The following NEDD4L variants were observed in gnomAD, a reference collection of about 807,000 sequenced individuals.
The protein encoded by NEDD4L is NEDD4 like E3 ubiquitin protein ligase.
A neutral mutation model predicts 148.9 loss-of-function variants in NEDD4L; 54 were observed. That is an observed-to-expected ratio of 0.36 (90% CI 0.29 to 0.45). NEDD4L has a LOEUF of 0.45. NEDD4L is among the 20% of genes least tolerant of loss of function. The pLI is 1.00. For synonymous variants in NEDD4L, 433 were observed against 440.7 expected (o/e 0.98, Z 0.22); for missense variants, 856 against 1,233.8 (o/e 0.69, Z 4.59).
At chr18:58,350,797 T>C (rs1485750016) in intron 17 of NEDD4L, among the ~76,000 whole-genome samples, 194 bp from the exon 18 acceptor site, 1 of 152,246 alleles carries the variant, frequency 6.6e-6, no homozygotes, top group South Asian at 2.1e-4. Context: ...GACCTGAGCA[T>C]GTGATAAAGC....
At chr18:58,095,504 A>G (rs1960277671) in intron 1 of NEDD4L, among the ~76,000 whole-genome samples, 1 of 121,950 alleles carries the variant, frequency 8.2e-6, no homozygotes, top group South Asian at 2.3e-4. Context: ...GGAAGATGGG[A>G]CTGGAATGCA....
intron 1 of NEDD4L, among the ~76,000 whole-genome samples, chr18:58,135,808 G>A (rs1734927450): frequency 6.6e-6 from 1 of 152,246 alleles, no homozygotes; most frequent in African/African-American, 2.4e-5. Context: ...GAAAGTCACA[G>A]CTAGACTGGG....
intron 1 of NEDD4L, among the ~76,000 whole-genome samples, chr18:58,122,356 C>T (rs377358660): frequency 2.6e-5 from 4 of 152,196 alleles, no homozygotes; most frequent in South Asian, 2.1e-4. Context: ...AAAAATTAGC[C>T]GGGTGTGGTG....
intron 1 of NEDD4L, among the ~76,000 whole-genome samples, chr18:58,081,327 T>C (rs1280269753): frequency 6.7e-6 from 1 of 150,088 alleles, no homozygotes; most frequent in Non-Finnish European, 1.5e-5. Flanking sequence ...GCCATGCTCC[T>C]GCCTCAGCCT....
At position 58,256,004 on chromosome 18, in the gene NEDD4L, C is replaced by T. The variant is rs2048485981; in HGVS notation, c.297+3950C>T. ...CGACGATGGGCCTCCATGCGCAACG[C>T]CCGACCCCAGGGACCAGGCCTCCGC... On this transcript the variant is annotated intron_variant, in intron 5 of 30. Coordinates refer to ENST00000400345, the MANE Select transcript of NEDD4L (RefSeq NM_001144967.3). The surrounding 1 kb of genome is among the most constrained non-coding windows in gnomAD (Gnocchi z 5.2). The T allele has an allele frequency of 4.1e-6, 5 of 1,230,444 alleles. No individual in the cohort carries two copies. The highest frequency in any genetic ancestry group is 4.2e-5 in the Admixed American group (1 of 23,656). The allele number at this position is 1,230,444 out of a possible 1,614,324, so 76.2% of individuals were successfully genotyped here. A position where few individuals can be genotyped will look rare whatever the true frequency, so the allele number is the denominator to read the frequency against.
intron 1 of NEDD4L, among the ~76,000 whole-genome samples, chr18:58,108,557 A>T (rs1053193360): frequency 6.6e-6 from 1 of 151,996 alleles, no homozygotes. Context: ...AGTAGCTGGG[A>T]TTTTAGGCAT....
At chr18:58,323,117 G>T (rs1237958185) in intron 7 of NEDD4L, 115 bp from the exon 8 acceptor site, 2 of 600,666 alleles carry the variant, frequency 3.3e-6, no homozygotes, top group Non-Finnish European at 6.1e-6. Context: ...GTGGGTATGG[G>T]TGGGTGGGGA....
chr18:58,335,427 CA>C (rs1434019979), intron 12 of NEDD4L, 50 bp from the exon 13 acceptor site: 4 of 1,476,086 alleles, frequency 2.7e-6, no homozygotes, highest in Admixed American at 1.7e-5. Context: ...ATTCAGACAG[CA>C]GGGGGTCATC....
intron 1 of NEDD4L, among the ~76,000 whole-genome samples, chr18:58,117,206 A>T (rs2085903605): frequency 6.6e-6 from 1 of 152,244 alleles, no homozygotes; most frequent in African/African-American, 2.4e-5. Context: ...ACTAATGTAA[A>T]TCAGCACATA....
At chr18:58,223,203 A>G (rs528463941) in intron 2 of NEDD4L, among the ~76,000 whole-genome samples, 3 of 152,198 alleles carry the variant, frequency 2.0e-5, no homozygotes, top group African/African-American at 7.2e-5. Flanking sequence ...TTATGCCTTA[A>G]CCTTTTTCAT....
At chr18:58,173,310 C>T (rs1170635826) in intron 2 of NEDD4L, among the ~76,000 whole-genome samples, 1 of 152,168 alleles carries the variant, frequency 6.6e-6, no homozygotes, top group Admixed American at 6.5e-5. Flanking sequence ...GCAATGTTGG[C>T]TGAGACAAAC....
intron 19 of NEDD4L, 35 bp downstream of exon 19, chr18:58,357,287 G>C: frequency 6.3e-7 from 1 of 1,579,342 alleles, no homozygotes. Flanking sequence ...TTCAGTATAA[G>C]ATTTTGGTTA....
chr18:58,286,895 A>G (rs986674539), intron 5 of NEDD4L, among the ~76,000 whole-genome samples: 10 of 152,170 alleles, frequency 6.6e-5, no homozygotes, highest in South Asian at 2.1e-4. Flanking sequence ...AGAGTCATCT[A>G]TGGTTGCCAG....
intron 5 of NEDD4L, chr18:58,255,844 G>GAGCTCGTCCATGTTCATCCCGC: frequency 4.1e-6 from 5 of 1,232,536 alleles, no homozygotes; most frequent in Non-Finnish European, 4.0e-6. Flanking sequence ...CGCTTAAGCG[G>GAGCTCGTCCATGTTCATCCCGC]AGCTCGTCCA....
At chr18:58,083,303 G>C (rs1037061605) in intron 1 of NEDD4L, among the ~76,000 whole-genome samples, 1 of 152,190 alleles carries the variant, frequency 6.6e-6, no homozygotes, top group Admixed American at 6.5e-5. Context: ...TTGTTGCATG[G>C]GATTTTGGAA....
At chr18:58,395,859 C>G (rs1030000605) in intron 30 of NEDD4L, among the ~76,000 whole-genome samples, 6 of 152,198 alleles carry the variant, frequency 3.9e-5, no homozygotes, top group African/African-American at 1.4e-4. Context: ...CCAAAAGCAT[C>G]AGCTCTGTGT....
Position 58,347,205 on chromosome 18 carries a change from G to GCCCCCCCCCCCCCCCCCC in NEDD4L, c.1576-2324_1576-2323insCCCCCCCCCCCCCCCCCC, listed in dbSNP as rs138430099. On this transcript the variant is annotated intron_variant, in intron 16 of 30. Transcript: ENST00000400345. ...AATTTCAGCTTCTTTTCACGCTACG[G>GCCCCCCCCCCCCCCCCCC]CCCCCCCCGCCCCCCCCCCCCCTTT... Among the ~76,000 whole-genome samples the GCCCCCCCCCCCCCCCCCC allele has an allele frequency of 9.9e-4, 39 of 39,558 alleles. 2 individuals are homozygous for GCCCCCCCCCCCCCCCCCC. Among genetic ancestry groups the GCCCCCCCCCCCCCCCCCC allele is most frequent in the African/African-American group, 1.3e-3 (9 of 7,134 alleles). 26.0% of individuals were successfully genotyped at this position (39,558 alleles called of 152,430 possible). A position where few individuals can be genotyped will look rare whatever the true frequency, so the allele number is the denominator to read the frequency against.
intron 19 of NEDD4L, among the ~76,000 whole-genome samples, chr18:58,363,756 G>T (rs1336230562): frequency 6.6e-6 from 1 of 152,154 alleles, no homozygotes; most frequent in Non-Finnish European, 1.5e-5. Context: ...GATTTTTTGA[G>T]AATGCCATCT....
chr18:58,216,279 T>G (rs2043150240), intron 2 of NEDD4L, among the ~76,000 whole-genome samples: 1 of 150,716 alleles, frequency 6.6e-6, no homozygotes, highest in Non-Finnish European at 1.5e-5. Context: ...AGGGAGAGAG[T>G]TCATGGGGGA....
Sources: gnomAD v4.1 joint callset for allele counts (sites outside exome capture counted in the v4.1 genomes callset) on GRCh38, gnomAD v4.1.1 for gene constraint, Gnocchi (gnomAD v3.1) non-coding constraint, MANE v1.5 for transcripts, NCBI Gene and HGNC (gene_info 2026-07-23, HGNC 2026-07-21) for gene names.